Variants in CDKN2B-AS1 observed in about 807,000 individuals in gnomAD.
CDKN2B-AS1 encodes the protein CDKN2B and CDKN2A antisense cis and trans regulatory RNA 1, also known as CDKN2B antisense RNA 1 (non-protein coding).
At chr9:22,118,574 C>T (rs1441206077) in intron 4 of CDKN2B-AS1, 6 of 152,134 alleles carry the variant, frequency 3.9e-5, no homozygotes, top group Non-Finnish European at 7.4e-5. Context: ...GAACTTTTTT[C>T]CCTGCAACAA....
intron 1 of CDKN2B-AS1, among the ~76,000 whole-genome samples, chr9:22,007,358 C>CA (rs3217977): frequency 3.3e-5 from 5 of 151,494 alleles, no homozygotes; most frequent in Admixed American, 6.6e-5. Context: ...GGCCTCATCT[C>CA]AAAAAAAATA....
intron 4 of CDKN2B-AS1, among the ~76,000 whole-genome samples, chr9:22,061,333 A>G (rs1450417053): frequency 6.6e-6 from 1 of 152,194 alleles, no homozygotes; most frequent in African/African-American, 2.4e-5. Flanking sequence ...TTCCTTTACT[A>G]GCCAAAAGGG....
rs1334493078 is a variant in CDKN2B-AS1 at position 22,023,745 on chromosome 9, CA to C, written n.30-23003del. ...GTGAGTTGAGAGTCCGTATCAAAAG[CA>C]AACCTACACATTTTTGTGGCCTGTT... On this transcript the variant is annotated intron_variant and non_coding_transcript_variant, in intron 1 of 4. Transcript: ENST00000650946. Among the ~76,000 whole-genome samples, 4 of 152,142 alleles carry C rather than the reference CA, an allele frequency of 2.6e-5. No homozygotes were observed. The East Asian group carries it at 7.7e-4, about 29-fold the overall frequency.
At chr9:22,079,565 G>A (rs1234104771) in intron 4 of CDKN2B-AS1, among the ~76,000 whole-genome samples, 3 of 151,766 alleles carry the variant, frequency 2.0e-5, no homozygotes, top group Admixed American at 6.6e-5. Context: ...GCTGGGTCCT[G>A]TCCTGGGTGA....
At chr9:22,097,042 T>C (rs1444578466) in intron 4 of CDKN2B-AS1, among the ~76,000 whole-genome samples, 1 of 152,222 alleles carries the variant, frequency 6.6e-6, no homozygotes, top group African/African-American at 2.4e-5. Context: ...TGTGGTCAGA[T>C]GCAGACCTGT....
At position 22,095,187 on chromosome 9, in the gene CDKN2B-AS1, G is replaced by T. The variant is rs575429431; in HGVS notation, n.439-31916G>T. ...TTCCTCTGGAAGCTTCGTCTCAGAG[G>T]GGTACCCAGCCGTGTGAGGTGTCAG... On this transcript the variant is annotated intron_variant and non_coding_transcript_variant, in intron 4 of 4. Coordinates refer to ENST00000650946, the Ensembl canonical transcript of CDKN2B-AS1. Among the ~76,000 whole-genome samples, 26 of 144,788 alleles carry T rather than the reference G, an allele frequency of 1.8e-4. 2 individuals are homozygous for T. Among genetic ancestry groups the T allele is most frequent in the Non-Finnish European group, 3.5e-4 (24 of 67,874 alleles). 95.0% of individuals were successfully genotyped at this position (144,788 alleles called of 152,430 possible). A position where few individuals can be genotyped will look rare whatever the true frequency, so the allele number is the denominator to read the frequency against.
chr9:22,013,164 G>A (rs1057457308), intron 1 of CDKN2B-AS1, among the ~76,000 whole-genome samples: 1 of 152,070 alleles, frequency 6.6e-6, no homozygotes, highest in Non-Finnish European at 1.5e-5. Context: ...CAGTCAGATT[G>A]GATTAGGGCC....
chr9:22,084,427 A>T (rs1452541618), intron 4 of CDKN2B-AS1, among the ~76,000 whole-genome samples: 1 of 152,242 alleles, frequency 6.6e-6, no homozygotes, highest in Non-Finnish European at 1.5e-5. Context: ...GAAATTGGCC[A>T]TGTAGTAAAT....
At chr9:22,090,159 A>G (rs1825024015) in intron 4 of CDKN2B-AS1, among the ~76,000 whole-genome samples, 1 of 151,998 alleles carries the variant, frequency 6.6e-6, no homozygotes, top group African/African-American at 2.4e-5. Flanking sequence ...ACATGAACTC[A>G]TCCTTTTTTA....
chr9:22,048,939 G>T (rs1823222078), intron 2 of CDKN2B-AS1, among the ~76,000 whole-genome samples: 1 of 152,192 alleles, frequency 6.6e-6, no homozygotes, highest in South Asian at 2.1e-4. Flanking sequence ...AATAATCCAT[G>T]TAAGAGGTAT....
chr9:22,114,839 T>C (rs548633663), intron 4 of CDKN2B-AS1, among the ~76,000 whole-genome samples: 2 of 152,362 alleles, frequency 1.3e-5, no homozygotes, highest in South Asian at 4.1e-4. Context: ...CTTTCCTGCT[T>C]TCAAGAGCCA....
intron 4 of CDKN2B-AS1, among the ~76,000 whole-genome samples, chr9:22,094,085 T>G (rs1426204466): frequency 3.5e-5 from 5 of 144,310 alleles, no homozygotes; most frequent in Non-Finnish European, 7.4e-5. Flanking sequence ...GAAGCTTAGT[T>G]TGGCTGGATA....
chr9:22,062,507 G>A (rs1823862075), intron 4 of CDKN2B-AS1, among the ~76,000 whole-genome samples: 1 of 152,192 alleles, frequency 6.6e-6, no homozygotes, highest in Non-Finnish European at 1.5e-5. Flanking sequence ...TAGAGCCAGG[G>A]CTGTGGGCTG....
intron 4 of CDKN2B-AS1, among the ~76,000 whole-genome samples, chr9:22,075,438 G>A (rs141349052): frequency 2.4e-4 from 36 of 152,336 alleles, no homozygotes; most frequent in Middle Eastern, 3.4e-3. Flanking sequence ...CGATTGGGAT[G>A]TAGGAAGGTT....
At chr9:22,106,878 T>A (rs1380039361) in intron 4 of CDKN2B-AS1, among the ~76,000 whole-genome samples, 1 of 152,234 alleles carries the variant, frequency 6.6e-6, no homozygotes, top group East Asian at 1.9e-4. Context: ...GGACTAATGT[T>A]ATCTCATTTT....
chr9:22,074,700 T>C lies in CDKN2B-AS1; in HGVS notation n.438+18313T>C, dbSNP rs377418329. ...TATGCTTTTCTTGCACTTTACTAGG[T>C]TCCTGTTCTTCCCCACCCACTACCT... On this transcript the variant is annotated intron_variant and non_coding_transcript_variant, in intron 4 of 4. Transcript: ENST00000650946. Among the ~76,000 whole-genome samples, 6 of 152,152 alleles carry C rather than the reference T, an allele frequency of 3.9e-5. No homozygotes were observed. In the East Asian group the frequency reaches 7.7e-4, roughly 20 times the overall value.
At chr9:22,091,582 T>C (rs900221827) in intron 4 of CDKN2B-AS1, among the ~76,000 whole-genome samples, 2 of 152,208 alleles carry the variant, frequency 1.3e-5, no homozygotes, top group Admixed American at 1.3e-4. Flanking sequence ...TTATTCTCTT[T>C]GAAGGAATTG....
chr9:22,101,516 C>G (rs1360842900), intron 4 of CDKN2B-AS1, among the ~76,000 whole-genome samples: 2 of 151,950 alleles, frequency 1.3e-5, no homozygotes, highest in African/African-American at 4.8e-5. Flanking sequence ...AATATCATTC[C>G]CTTTAGTAAA....
rs1234786677 is a variant in CDKN2B-AS1 at position 22,052,560 on chromosome 9, C to G, written n.302+3332C>G. On this transcript the variant is annotated intron_variant and non_coding_transcript_variant, in intron 3 of 4. Transcript: ENST00000650946. Reference sequence around the variant, plus strand: ...AAGGCAAGTTGAAGACCCAGGCTGCCCATGTGGACATCAATACTCCCACAG... The same window carrying G: ...AAGGCAAGTTGAAGACCCAGGCTGCGCATGTGGACATCAATACTCCCACAG... Among the ~76,000 whole-genome samples, 8 of 152,202 alleles carry G rather than the reference C, an allele frequency of 5.3e-5. No homozygotes were observed. The South Asian group carries it at 8.3e-4, about 16-fold the overall frequency.
Sources: gnomAD v4.1 joint callset for allele counts (sites outside exome capture counted in the v4.1 genomes callset) on GRCh38, gnomAD v4.1.1 for gene constraint, MANE v1.5 for transcripts, NCBI Gene and HGNC (gene_info 2026-07-23, HGNC 2026-07-21) for gene names.